Variants in SGPL1 observed in about 807,000 individuals in gnomAD.
SGPL1 encodes the protein SP-lyase 1.
A neutral mutation model predicts 68.9 loss-of-function variants in SGPL1; 37 were observed. The ratio of observed to expected loss-of-function variants is 0.54; its 90% CI spans 0.41 to 0.71. SGPL1 has a LOEUF of 0.71. Ranked by LOEUF, SGPL1 falls within the 30% of genes least tolerant of loss-of-function variation. SGPL1 has a pLI of 0.00. For synonymous variants in SGPL1, 236 were observed against 248.5 expected (o/e 0.95, Z 0.47); for missense variants, 551 against 704.6 (o/e 0.78, Z 2.47).
At chr10:70,843,057 G>A (rs1220506116) in intron 2 of SGPL1, among the ~76,000 whole-genome samples, 1 of 152,146 alleles carries the variant, frequency 6.6e-6, no homozygotes, top group Non-Finnish European at 1.5e-5. Flanking sequence ...TCTCTTTCTG[G>A]TATGACTTTT....
intron 10 of SGPL1, 31 bp downstream of exon 10, chr10:70,871,177 G>A (rs1406192506): frequency 2.1e-6 from 3 of 1,419,532 alleles, no homozygotes; most frequent in Non-Finnish European, 2.0e-6. Context: ...GCTAAGGCAG[G>A]CAAATGGATA....
chr10:70,854,827 G>A lies in SGPL1; in HGVS notation c.381G>A (p.Leu127=). The A allele has an allele frequency of 6.2e-7, 1 of 1,612,802 alleles. No individual in the cohort carries two copies. Among genetic ancestry groups the A allele is most frequent in the African/African-American group, 1.3e-5 (1 of 74,982 alleles). ...AGGGTCTGAGCTCATCTGCTGTTTTGGAGAAACTTAAGGAGTACAGCTCTA... is the reference window on the plus strand; with the variant it reads ...AGGGTCTGAGCTCATCTGCTGTTTTAGAGAAACTTAAGGAGTACAGCTCTA... ...PSQGLSSSAV[L]EKLKEYSSMD... The change falls in exon 5 of 15, where the codon TTG becomes TTA. Residue 127 remains leucine, a synonymous_variant. Coordinates refer to ENST00000373202, the MANE Select transcript of SGPL1 (RefSeq NM_003901.4).
In SGPL1 at chr10:70,851,744, T is replaced by C. The variant is rs542892376; in HGVS notation, c.261+534T>C. On this transcript the variant is annotated intron_variant, in intron 4 of 14. Transcript: ENST00000373202. ...GCTAGATATGAAACATTTTGGGCTC[T>C]GTAGGCCATATCATTTCTGTTGCAA... Among the ~76,000 whole-genome samples, 3 of 152,352 alleles carry C rather than the reference T, an allele frequency of 2.0e-5. No individual in the cohort carries two copies. The South Asian group carries it at 6.2e-4, about 32-fold the overall frequency.
intron 7 of SGPL1, among the ~76,000 whole-genome samples, chr10:70,865,211 T>G (rs953939328): frequency 7.7e-6 from 1 of 130,666 alleles, no homozygotes; most frequent in Non-Finnish European, 1.7e-5. Flanking sequence ...TTTCACTGTT[T>G]CTTTTTTTTT....
At chr10:70,841,253 G>T (rs1405650103) in intron 2 of SGPL1, among the ~76,000 whole-genome samples, 1 of 152,060 alleles carries the variant, frequency 6.6e-6, no homozygotes, top group Non-Finnish European at 1.5e-5. Context: ...TCCATGGGTA[G>T]CCCTCCAGGG....
In SGPL1 at chr10:70,868,334, C is replaced by T. The variant is rs1167767004; in HGVS notation, c.616-11C>T. 4 of 1,597,202 alleles carry T rather than the reference C, an allele frequency of 2.5e-6. No homozygotes were observed. In the African/African-American group the frequency reaches 4.0e-5, roughly 16 times the overall value. ...ACTCCCCCAACAGATGGCATCTCTT[C>T]TTTATTATAGGTGACTTCTGGGGGA... On this transcript the variant is annotated splice_polypyrimidine_tract_variant and intron_variant, in intron 7 of 14. Transcript: ENST00000373202.
intron 9 of SGPL1, among the ~76,000 whole-genome samples, chr10:70,870,725 A>G (rs531064175): frequency 5.9e-5 from 9 of 152,232 alleles, no homozygotes; most frequent in Non-Finnish European, 1.2e-4. Flanking sequence ...CTGAAGTAGC[A>G]TACTCAGGGT....
At chr10:70,840,154 T>C (rs1401949021) in intron 2 of SGPL1, among the ~76,000 whole-genome samples, 1 of 152,122 alleles carries the variant, frequency 6.6e-6, no homozygotes, top group Non-Finnish European at 1.5e-5. Flanking sequence ...TGTAATGTGT[T>C]ACTCCTCTGC....
At chr10:70,851,010 A>C (rs11594636) in intron 3 of SGPL1, 133 bp from the exon 4 acceptor site, 1 of 682,528 alleles carries the variant, frequency 1.5e-6, no homozygotes, top group Non-Finnish European at 2.5e-6. Flanking sequence ...AAGTTTTTTT[A>C]AAATTTTTTA....
chr10:70,861,703 G>A (rs960255263), intron 7 of SGPL1, among the ~76,000 whole-genome samples: 4 of 152,226 alleles, frequency 2.6e-5, no homozygotes, highest in East Asian at 3.9e-4. Context: ...TAGAGTTCCC[G>A]GTGAGCATGG....
intron 2 of SGPL1, among the ~76,000 whole-genome samples, chr10:70,844,032 A>G (rs1845755013): frequency 6.6e-6 from 1 of 152,178 alleles, no homozygotes; most frequent in African/African-American, 2.4e-5. Context: ...TAAAATATAA[A>G]ATAATTTAGT....
At chr10:70,827,485 T>C (rs117811425) in intron 2 of SGPL1, among the ~76,000 whole-genome samples, 1 of 152,334 alleles carries the variant, frequency 6.6e-6, no homozygotes, top group Non-Finnish European at 1.5e-5. Flanking sequence ...CTTTTTGACA[T>C]AATATAGCTA....
chr10:70,873,693 G>C (rs1035913482), intron 12 of SGPL1, 104 bp downstream of exon 12: 1 of 852,194 alleles, frequency 1.2e-6, no homozygotes, highest in Admixed American at 1.8e-5. Flanking sequence ...CCCACCTGTT[G>C]TCTCCTGCGA....
At chr10:70,840,331 G>GT (rs1197839183) in intron 2 of SGPL1, among the ~76,000 whole-genome samples, 1 of 151,978 alleles carries the variant, frequency 6.6e-6, no homozygotes, top group East Asian at 1.9e-4. Flanking sequence ...GATCTTCCAG[G>GT]TTCCCTTCAG....
chr10:70,874,495 C>G (rs759738312), intron 12 of SGPL1, among the ~76,000 whole-genome samples: 3 of 152,184 alleles, frequency 2.0e-5, no homozygotes, highest in Non-Finnish European at 4.4e-5. Flanking sequence ...GAGGCTGAGG[C>G]GGGTGGATCA....
At position 70,878,164 on chromosome 10, in the gene SGPL1, T is replaced by A. The variant is rs1351474480; in HGVS notation, c.*829T>A. 6.6e-6 allele frequency: 1 copy of A among 152,112 alleles called. No homozygotes were observed. Among genetic ancestry groups the A allele is most frequent in the Non-Finnish European group, 1.5e-5 (1 of 68,102 alleles). The allele number at this position is 152,112 out of a possible 1,614,324, so 9.4% of individuals were successfully genotyped here. Reference sequence around the variant, plus strand: ...AGTAGGTTCATTGTCTGTCTTAGAGTCACTTCTATTGCAACTCATTTTCTT... The same window carrying A: ...AGTAGGTTCATTGTCTGTCTTAGAGACACTTCTATTGCAACTCATTTTCTT... On this transcript the variant is annotated 3_prime_UTR_variant, in exon 15 of 15. Coordinates refer to ENST00000373202, the MANE Select transcript of SGPL1 (RefSeq NM_003901.4).
At chr10:70,848,454 CTTTTTTTT>C (rs55860254) in intron 3 of SGPL1, among the ~76,000 whole-genome samples, 3 of 70,684 alleles carry the variant, frequency 4.2e-5, no homozygotes, top group Admixed American at 1.8e-4. Context: ...ACCTCACGTA[CTTTTTTTT>C]TTTTTTTTTT....
At position 70,879,864 on chromosome 10, in the gene SGPL1, C is replaced by T. The variant is rs877034; in HGVS notation, c.*2529C>T. On this transcript the variant is annotated 3_prime_UTR_variant, in exon 15 of 15. Transcript: ENST00000373202. The stretch of plus-strand genomic sequence containing the variant: ...GTAGAGACACTTAATAGTATCATGT[C>T]GCATGCAGATGTCACATCGGCCTCT... 0.23 allele frequency: 34,785 copies of T among 152,534 alleles called. 4,374 individuals carry two copies. Among genetic ancestry groups the T allele is most frequent in the East Asian group, 0.35 (1,826 of 5,168 alleles). 9.4% of individuals were successfully genotyped at this position (152,534 alleles called of 1,614,324 possible).
In SGPL1 at chr10:70,876,553, C is replaced by T. The variant is rs773359986; in HGVS notation, c.1458C>T (p.Cys486=). ...QLQFPPSIHF[C]ITLLHARKRV... The stretch of plus-strand genomic sequence containing the variant: ...TCTTCTTTCCTAGTATTCATTTCTG[C>T]ATCACATTACTACACGCCCGGAAAC... The change falls in exon 14 of 15, where the codon TGC becomes TGT. Residue 486 remains cysteine, a synonymous_variant. Transcript: ENST00000373202. The T allele has an allele frequency of 1.7e-5, 28 of 1,611,110 alleles. No homozygotes were observed. In the South Asian group the frequency reaches 2.9e-4, roughly 17 times the overall value.
Sources: allele counts gnomAD v4.1 joint callset (sites outside exome capture counted in the v4.1 genomes callset), GRCh38; gene constraint gnomAD v4.1.1; transcripts MANE v1.5; gene names NCBI Gene and HGNC (gene_info 2026-07-23, HGNC 2026-07-21).